PDZRN4: variants seen among roughly 807,000 people sequenced by gnomAD.
PDZRN4 encodes the protein PDZ domain-containing RING finger protein 4.
A neutral mutation model predicts 99.0 loss-of-function variants in PDZRN4; 70 were observed. That is an observed-to-expected ratio of 0.71 (90% CI 0.58 to 0.86). The LOEUF (loss-of-function observed/expected upper bound fraction) is 0.86, where lower values mean the gene tolerates loss of function less well. Ranked by LOEUF, PDZRN4 falls within the 40% of genes least tolerant of loss-of-function variation. The pLI is 0.00. For missense variants in PDZRN4, 1,474 were observed against 1,331.2 expected, an observed-to-expected ratio of 1.11 and a Z score of -1.67; for synonymous variants, 551 against 501.6, an observed-to-expected ratio of 1.10 and a Z score of -1.32.
At chr12:41,432,921 C>T (rs1314706477) in intron 3 of PDZRN4, among the ~76,000 whole-genome samples, 7 of 152,104 alleles carry the variant, frequency 4.6e-5, no homozygotes, top group South Asian at 2.1e-4. Flanking sequence ...TTCAAATGAC[C>T]GGTTTGTGCA....
chr12:41,245,734 A>G (rs1388995826), intron 3 of PDZRN4, among the ~76,000 whole-genome samples: 1 of 152,226 alleles, frequency 6.6e-6, no homozygotes, highest in African/African-American at 2.4e-5. Flanking sequence ...AACTGTTCCT[A>G]TGCTGAGGAG....
chr12:41,239,109 T>C (rs1263052880), intron 3 of PDZRN4, among the ~76,000 whole-genome samples: 1 of 152,160 alleles, frequency 6.6e-6, no homozygotes, highest in East Asian at 1.9e-4. Flanking sequence ...GTGGTAAATA[T>C]ACACCATGGA....
intron 3 of PDZRN4, among the ~76,000 whole-genome samples, chr12:41,472,791 G>T (rs1038517525): frequency 1.3e-5 from 2 of 152,168 alleles, no homozygotes; most frequent in Non-Finnish European, 2.9e-5. Flanking sequence ...GCATAGAATA[G>T]CTAAATAACT....
chr12:41,455,590 A>G (rs148911308), intron 3 of PDZRN4, among the ~76,000 whole-genome samples: 2 of 152,224 alleles, frequency 1.3e-5, no homozygotes. Flanking sequence ...TAATTGCAGT[A>G]GCATCTTGTA....
At chr12:41,444,658 T>A (rs1952708787) in intron 3 of PDZRN4, among the ~76,000 whole-genome samples, 1 of 152,156 alleles carries the variant, frequency 6.6e-6, no homozygotes, top group Non-Finnish European at 1.5e-5. Context: ...TTGTCAAAAA[T>A]GAAGTTACTG....
intron 3 of PDZRN4, among the ~76,000 whole-genome samples, chr12:41,327,941 A>C (rs1951720641): frequency 2.0e-5 from 3 of 152,134 alleles, no homozygotes; most frequent in Admixed American, 2.0e-4. Context: ...TTACTGAAGC[A>C]ATTAAAATAT....
At chr12:41,347,214 G>GA (rs1951860137) in intron 3 of PDZRN4, among the ~76,000 whole-genome samples, 1 of 152,018 alleles carries the variant, frequency 6.6e-6, no homozygotes, top group Non-Finnish European at 1.5e-5. Flanking sequence ...TTAACCCTTT[G>GA]AAAAACTGCC....
At position 41,231,901 on chromosome 12, in the gene PDZRN4, T is replaced by C. The variant is rs569092136; in HGVS notation, c.843+37713T>C. 2.0e-5 allele frequency among the ~76,000 whole-genome samples: 3 copies of C among 152,210 alleles called. No individual in the cohort carries two copies. In the East Asian group the frequency reaches 5.8e-4, roughly 29 times the overall value. ...AAGACAGGATCATTATACAGTAGCA[T>C]TTTCAAACTACCATGGCACTGTTTG... is the stretch of plus-strand genomic sequence containing the variant. On this transcript the variant is annotated intron_variant, in intron 3 of 9. Coordinates refer to ENST00000402685, the MANE Select transcript of PDZRN4 (RefSeq NM_001164595.2).
chr12:41,329,045 T>C (rs1455996230), intron 3 of PDZRN4, among the ~76,000 whole-genome samples: 2 of 152,138 alleles, frequency 1.3e-5, no homozygotes, highest in Non-Finnish European at 2.9e-5. Context: ...TCTTTAGGGT[T>C]TGGACTTGTT....
At chr12:41,289,652 G>A (rs952811780) in intron 3 of PDZRN4, among the ~76,000 whole-genome samples, 38 of 147,978 alleles carry the variant, frequency 2.6e-4, no homozygotes, top group African/African-American at 8.8e-4. Context: ...TGCAAGGCAC[G>A]GCATGCTTTC....
intron 3 of PDZRN4, among the ~76,000 whole-genome samples, chr12:41,300,195 T>C (rs1196669059): frequency 6.6e-6 from 1 of 151,958 alleles, no homozygotes; most frequent in Admixed American, 6.6e-5. Flanking sequence ...CATAGCTCTT[T>C]TAGCTACTCT....
At chr12:41,257,196 C>A (rs1951209529) in intron 3 of PDZRN4, among the ~76,000 whole-genome samples, 1 of 152,192 alleles carries the variant, frequency 6.6e-6, no homozygotes, top group Non-Finnish European at 1.5e-5. Flanking sequence ...CTAAGATAAG[C>A]ATAACTACTT....
chr12:41,261,864 T>A (rs749816989), intron 3 of PDZRN4, among the ~76,000 whole-genome samples: 3 of 152,120 alleles, frequency 2.0e-5, no homozygotes, highest in Non-Finnish European at 4.4e-5. Flanking sequence ...TACAATGAAG[T>A]GTAATGTAAG....
chr12:41,240,773 T>C (rs1951096928), intron 3 of PDZRN4, among the ~76,000 whole-genome samples: 1 of 152,184 alleles, frequency 6.6e-6, no homozygotes, highest in African/African-American at 2.4e-5. Flanking sequence ...CTCTGGGATC[T>C]CTTTGATATA....
intron 3 of PDZRN4, among the ~76,000 whole-genome samples, chr12:41,337,135 AAAGTTAGTTC>A (rs1207946497): frequency 6.6e-6 from 1 of 152,134 alleles, no homozygotes; most frequent in Admixed American, 6.6e-5. Context: ...ATTCCTTCCC[AAAGTTAGTTC>A]AGCCTACACC....
chr12:41,442,742 G>T (rs981948105), intron 3 of PDZRN4, among the ~76,000 whole-genome samples: 5 of 152,110 alleles, frequency 3.3e-5, no homozygotes, highest in Non-Finnish European at 7.4e-5. Context: ...TAGTAATGGG[G>T]CAAGGGTACA....
chr12:41,441,621 T>G (rs920523534), intron 3 of PDZRN4, among the ~76,000 whole-genome samples: 4 of 152,154 alleles, frequency 2.6e-5, no homozygotes, highest in African/African-American at 9.7e-5. Context: ...TATGCTAAAG[T>G]CTCCTCTATT....
At chr12:41,428,144 C>T (rs527261944) in intron 3 of PDZRN4, among the ~76,000 whole-genome samples, 45 of 152,190 alleles carry the variant, frequency 3.0e-4, no homozygotes, top group Admixed American at 1.2e-3. Context: ...TATCCCACTA[C>T]CTGCCTACTT....
At chr12:41,508,372 G>A (rs1444794652) in intron 4 of PDZRN4, among the ~76,000 whole-genome samples, 2 of 152,110 alleles carry the variant, frequency 1.3e-5, no homozygotes, top group Non-Finnish European at 2.9e-5. Flanking sequence ...CAAGGCTCCT[G>A]TATTTTTCCC....
Sources: gnomAD v4.1 joint callset for allele counts (sites outside exome capture counted in the v4.1 genomes callset) on GRCh38, gnomAD v4.1.1 for gene constraint, MANE v1.5 for transcripts, NCBI Gene and HGNC (gene_info 2026-07-23, HGNC 2026-07-21) for gene names.